The following SUPT3H variants were observed in gnomAD, a reference collection of about 807,000 sequenced individuals.
The protein encoded by SUPT3H is transcription initiation protein SPT3 homolog.
In SUPT3H, 44 loss-of-function variants were observed where a neutral mutation model predicts 44.3. The ratio of observed to expected loss-of-function variants is 0.99; its 90% CI spans 0.78 to 1.28. The LOEUF (loss-of-function observed/expected upper bound fraction) is 1.28. Among genes scored for constraint, SUPT3H ranks in the 50% most tolerant of loss-of-function variants. The probability of loss-of-function intolerance (pLI) is 0.00; values close to 1 mark genes in which losing one functional copy is unlikely to be tolerated. For synonymous variants in SUPT3H, 124 were observed against 125.6 expected (o/e 0.99, Z 0.09); for missense variants, 380 against 387.1 (o/e 0.98, Z 0.15).
Position 44,829,815 on chromosome 6 carries a change from A to T in SUPT3H, c.*1T>A. On this transcript the variant is annotated 3_prime_UTR_variant, in exon 11 of 11. Coordinates refer to ENST00000371459, the MANE Select transcript of SUPT3H (RefSeq NM_003599.4). Reference sequence around the variant, plus strand: ...GTTGCAGGCACATCACAGTTGTCACATCAGCAGGCTAGAAAAGCCATCCCA... The same window carrying T: ...GTTGCAGGCACATCACAGTTGTCACTTCAGCAGGCTAGAAAAGCCATCCCA... 6.2e-7 allele frequency: 1 copy of T among 1,613,168 alleles called. No homozygotes were observed. Among genetic ancestry groups the T allele is most frequent in the Non-Finnish European group, 8.5e-7 (1 of 1,179,216 alleles).
At chr6:44,927,580 AGAG>A (rs1210711566) in intron 10 of SUPT3H, among the ~76,000 whole-genome samples, 3 of 152,236 alleles carry the variant, frequency 2.0e-5, no homozygotes, top group Middle Eastern at 3.2e-3. Context: ...TCTGTTCCAC[AGAG>A]CTAGTATGCA....
chr6:44,846,762 G>A (rs1771947422), intron 10 of SUPT3H, among the ~76,000 whole-genome samples: 1 of 152,064 alleles, frequency 6.6e-6, no homozygotes, highest in South Asian at 2.1e-4. Context: ...TTTCTGAGTA[G>A]CTGGGATTAC....
intron 2 of SUPT3H, among the ~76,000 whole-genome samples, chr6:45,182,703 G>A (rs1813501694): frequency 6.6e-6 from 1 of 152,228 alleles, no homozygotes; most frequent in African/African-American, 2.4e-5. Context: ...GGACAGGAAT[G>A]GAAGGCTGTA....
chr6:45,174,763 T>C (rs984346135), intron 2 of SUPT3H, among the ~76,000 whole-genome samples: 2 of 152,082 alleles, frequency 1.3e-5, no homozygotes, highest in Non-Finnish European at 2.9e-5. Flanking sequence ...GTTTTGCACA[T>C]ATATATACAG....
At chr6:45,253,872 T>TATATATATATATATATATATATAC (rs1491408260) in intron 2 of SUPT3H, among the ~76,000 whole-genome samples, 59 of 124,068 alleles carry the variant, frequency 4.8e-4, no homozygotes, top group East Asian at 2.2e-3. Flanking sequence ...TATATATATA[T>TATATATATATATATATATATATAC]ACACACACAC....
At chr6:45,141,654 C>CA (rs70993501) in intron 2 of SUPT3H, among the ~76,000 whole-genome samples, 132,242 of 151,654 alleles carry the variant, frequency 0.87, 57,921 homozygotes, top group African/African-American at 0.92. Context: ...AAGACAAAGA[C>CA]AAAAAAAATT....
chr6:45,057,076 T>A (rs183213042), intron 3 of SUPT3H, among the ~76,000 whole-genome samples: 1 of 152,128 alleles, frequency 6.6e-6, no homozygotes, highest in East Asian at 1.9e-4. Flanking sequence ...ACAAATACAA[T>A]TGTCTTTCTA....
chr6:45,205,577 A>G (rs1763099807), intron 2 of SUPT3H, among the ~76,000 whole-genome samples: 1 of 152,146 alleles, frequency 6.6e-6, no homozygotes, highest in African/African-American at 2.4e-5. Context: ...ATGGCGGATC[A>G]CTTGAGGTCA....
chr6:44,957,961 A>G (rs1237926149), intron 7 of SUPT3H, among the ~76,000 whole-genome samples: 3 of 152,108 alleles, frequency 2.0e-5, no homozygotes, highest in African/African-American at 7.2e-5. Context: ...CACCCTTCCA[A>G]GGTATTGTTG....
chr6:45,023,179 A>C (rs1785421468), intron 3 of SUPT3H, among the ~76,000 whole-genome samples: 1 of 152,034 alleles, frequency 6.6e-6, no homozygotes, highest in African/African-American at 2.4e-5. Context: ...AAGCTCAGTA[A>C]CACTGATCAT....
chr6:45,062,586 G>T (rs997406967), intron 3 of SUPT3H, among the ~76,000 whole-genome samples: 54 of 152,300 alleles, frequency 3.5e-4, no homozygotes, highest in Admixed American at 2.5e-3. Flanking sequence ...GACAGTGGGC[G>T]CAGGCCAGTG....
chr6:45,259,461 A>G (rs1773977475), intron 2 of SUPT3H, among the ~76,000 whole-genome samples: 1 of 152,298 alleles, frequency 6.6e-6, no homozygotes, highest in South Asian at 2.1e-4. Context: ...AATGAAAAAC[A>G]TGACCAAATT....
chr6:45,182,475 T>A (rs1410174816), intron 2 of SUPT3H, among the ~76,000 whole-genome samples: 6 of 152,186 alleles, frequency 3.9e-5, no homozygotes, highest in Admixed American at 1.3e-4. Context: ...CTGGCCAGGC[T>A]GATCACAATC....
intron 7 of SUPT3H, 52 bp from the exon 8 acceptor site, chr6:44,954,659 A>T (rs745417097): frequency 1.3e-5 from 13 of 1,007,816 alleles, no homozygotes; most frequent in Non-Finnish European, 2.0e-5. Flanking sequence ...AAAGTGTTTT[A>T]ATACTGCACA....
chr6:45,221,619 T>C (rs995403540), intron 2 of SUPT3H, among the ~76,000 whole-genome samples: 2 of 152,106 alleles, frequency 1.3e-5, no homozygotes, highest in African/African-American at 4.8e-5. Flanking sequence ...GTTCATAGAT[T>C]AGAAGACTCA....
At chr6:45,036,469 A>G (rs1787693231) in intron 3 of SUPT3H, among the ~76,000 whole-genome samples, 1 of 152,164 alleles carries the variant, frequency 6.6e-6, no homozygotes, top group African/African-American at 2.4e-5. Flanking sequence ...TAGACATATC[A>G]TTGTGAAATT....
intron 2 of SUPT3H, among the ~76,000 whole-genome samples, chr6:45,163,963 CAAAATT>C (rs1809445957): frequency 6.6e-6 from 1 of 152,080 alleles, no homozygotes; most frequent in Non-Finnish European, 1.5e-5. Flanking sequence ...GCCTACTCAC[CAAAATT>C]TACTTGTAAC....
chr6:45,328,486 T>C (rs1463444884), intron 2 of SUPT3H: 1 of 1,505,314 alleles, frequency 6.6e-7, no homozygotes, highest in East Asian at 2.8e-5. Flanking sequence ...CCACAGTCTA[T>C]GCAGTAATAG....
At chr6:45,032,978 T>G (rs1787167011) in intron 3 of SUPT3H, among the ~76,000 whole-genome samples, 3 of 152,134 alleles carry the variant, frequency 2.0e-5, no homozygotes, top group Admixed American at 2.0e-4. Context: ...GCACAGGAAG[T>G]AGAGTAGGAA....
Sources: gnomAD v4.1 joint callset for allele counts (sites outside exome capture counted in the v4.1 genomes callset) on GRCh38, gnomAD v4.1.1 for gene constraint, MANE v1.5 for transcripts, NCBI Gene and HGNC (gene_info 2026-07-23, HGNC 2026-07-21) for gene names.